Variants in ZNF395 observed in about 807,000 individuals in gnomAD.
The protein encoded by ZNF395 is zinc finger protein 395, also known as HD gene regulatory region-binding protein 2.
In ZNF395, 20 loss-of-function variants were observed where a neutral mutation model predicts 57.7. That is an observed-to-expected ratio of 0.35 (90% confidence interval 0.24 to 0.50). ZNF395 has a LOEUF of 0.50. Among genes scored for constraint, ZNF395 ranks in the 20% least tolerant of loss-of-function variants. The probability of loss-of-function intolerance (pLI) is 0.97; values close to 1 mark genes in which losing one functional copy is unlikely to be tolerated. For synonymous variants in ZNF395, 295 were observed against 275.9 expected (o/e 1.07, Z -0.69); for missense variants, 606 against 671.2 (o/e 0.90, Z 1.07).
intron 1 of ZNF395, among the ~76,000 whole-genome samples, chr8:28,373,106 C>T (rs1801996719): frequency 6.6e-6 from 1 of 152,134 alleles, no homozygotes; most frequent in South Asian, 2.1e-4. Flanking sequence ...TGGGGTTGCC[C>T]TAGGCTCCAA....
chr8:28,356,664 G>C lies in ZNF395; in HGVS notation c.583+6C>G, dbSNP rs1287144870. 5 of 1,612,536 alleles carry C rather than the reference G, an allele frequency of 3.1e-6. No individual in the cohort carries two copies. Among genetic ancestry groups the C allele is most frequent in the Non-Finnish European group, 4.2e-6 (5 of 1,178,878 alleles). ...CCCAGAACCCAGCTGGGCCCCGCTT[G>C]CTCACCAGAGAAGTTGGCCTCGGTC... is the stretch of plus-strand genomic sequence containing the variant. On this transcript the variant is annotated splice_donor_region_variant and intron_variant, in intron 4 of 9. Coordinates refer to ENST00000344423, the MANE Select transcript of ZNF395 (RefSeq NM_018660.3). The surrounding 1 kb of genome is among the most constrained non-coding windows in gnomAD (Gnocchi z 4.0).
At chr8:28,377,656 A>G (rs977917930) in intron 1 of ZNF395, among the ~76,000 whole-genome samples, 5 of 151,136 alleles carry the variant, frequency 3.3e-5, no homozygotes, top group Non-Finnish European at 7.4e-5. Flanking sequence ...GTCACTCCAC[A>G]TTCTCCACGG....
Position 28,356,898 on chromosome 8 carries a change from T to C in ZNF395, c.474-119A>G. On this transcript the variant is annotated intron_variant, in intron 3 of 9. Transcript: ENST00000344423. This position sits in a 1 kb window ranked among gnomAD's most constrained non-coding sequence, Gnocchi z 4.0. ...ACAATCATCTTACACTTCTGGACTGTCCCCTCCAAGTGCCCCCAACTCCAA... is the reference window on the plus strand; with the variant it reads ...ACAATCATCTTACACTTCTGGACTGCCCCCTCCAAGTGCCCCCAACTCCAA... The C allele has an allele frequency of 1.3e-6, 1 of 766,712 alleles. No individual in the cohort carries two copies. The highest frequency in any genetic ancestry group is 2.7e-5 in the East Asian group (1 of 36,622). 47.5% of individuals were successfully genotyped at this position (766,712 alleles called of 1,614,324 possible). A position where few individuals can be genotyped will look rare whatever the true frequency, so the allele number is the denominator to read the frequency against.
rs780656102 is a variant in ZNF395, at chr8:28,353,398, C to T, written c.594G>A (p.Ala198=). The part of the protein sequence containing the change: ...GTEANFSASR[A]ACDPWKESGD... Reference sequence around the variant, plus strand: ...CACTCTCCTTCCATGGGTCGCAGGCCGCACGGGAAGCTGGCCAGATGAAGA... The same window carrying T: ...CACTCTCCTTCCATGGGTCGCAGGCTGCACGGGAAGCTGGCCAGATGAAGA... Residue 198 remains alanine (A), a synonymous_variant, in exon 5 of 10, where the codon GCG becomes GCA. Coordinates refer to ENST00000344423, the MANE Select transcript of ZNF395 (RefSeq NM_018660.3). The T allele has an allele frequency of 1.4e-5, 21 of 1,536,550 alleles. No homozygotes were observed. The highest frequency in any genetic ancestry group is 2.3e-5 in the East Asian group (1 of 43,786).
intron 3 of ZNF395, among the ~76,000 whole-genome samples, chr8:28,357,733 T>C (rs954355976): frequency 1.3e-5 from 2 of 152,244 alleles, no homozygotes; most frequent in Admixed American, 6.5e-5. Context: ...TGCATTCCAC[T>C]GAATACACTA....
chr8:28,358,411 G>GT (rs1287620759), intron 3 of ZNF395, among the ~76,000 whole-genome samples: 22 of 151,740 alleles, frequency 1.4e-4, no homozygotes, highest in Admixed American at 1.4e-3. Flanking sequence ...CACTCAGCCT[G>GT]TTTGTTTGTT....
At chr8:28,358,058 A>T (rs890150632) in intron 3 of ZNF395, among the ~76,000 whole-genome samples, 1 of 152,034 alleles carries the variant, frequency 6.6e-6, no homozygotes, top group African/African-American at 2.4e-5. Flanking sequence ...TGTGGACCCA[A>T]TGTAGCCTGC....
chr8:28,353,816 A>AGCCT (rs1801748679), intron 4 of ZNF395, among the ~76,000 whole-genome samples: 2 of 152,154 alleles, frequency 1.3e-5, no homozygotes, highest in African/African-American at 4.8e-5. Context: ...GGAAGGGCAA[A>AGCCT]GCCTCTGCAG....
chr8:28,360,838 C>A (rs768831470), intron 2 of ZNF395, 47 bp downstream of exon 2: 1 of 1,601,226 alleles, frequency 6.2e-7, no homozygotes, highest in Non-Finnish European at 8.5e-7. Flanking sequence ...GCCCCCTACC[C>A]CAAGACTGGC....
intron 8 of ZNF395, among the ~76,000 whole-genome samples, 186 bp downstream of exon 8, chr8:28,349,878 C>T (rs1301950326): frequency 6.6e-6 from 1 of 152,232 alleles, no homozygotes; most frequent in African/African-American, 2.4e-5. Flanking sequence ...GGGGCTATGG[C>T]CAGATGGGGA....
At position 28,359,455 on chromosome 8, in the gene ZNF395, T is replaced by C; in HGVS notation, c.473+137A>G. Reference sequence around the variant, plus strand: ...GTTTTCTTAAAAGATTCCCCTTTTCTGTGTCCCATTTGTCCCAATATCTTG... The same window carrying C: ...GTTTTCTTAAAAGATTCCCCTTTTCCGTGTCCCATTTGTCCCAATATCTTG... On this transcript the variant is annotated intron_variant, in intron 3 of 9. Coordinates refer to ENST00000344423, the MANE Select transcript of ZNF395 (RefSeq NM_018660.3). The surrounding 1 kb of genome is among the most constrained non-coding windows in gnomAD (Gnocchi z 4.7). The C allele has an allele frequency of 8.1e-7, 1 of 1,241,470 alleles. No individual in the cohort carries two copies. Among genetic ancestry groups the C allele is most frequent in the Non-Finnish European group, 1.1e-6 (1 of 914,792 alleles). 76.9% of individuals were successfully genotyped at this position (1,241,470 alleles called of 1,614,324 possible). A position where few individuals can be genotyped will look rare whatever the true frequency, so the allele number is the denominator to read the frequency against.
chr8:28,373,777 G>A (rs141928671), intron 1 of ZNF395, among the ~76,000 whole-genome samples: 3 of 152,100 alleles, frequency 2.0e-5, no homozygotes, highest in Admixed American at 1.3e-4. Context: ...TGGTATGTGC[G>A]ACCTGTGAGG....
chr8:28,351,619 G>C lies in ZNF395; in HGVS notation c.1109C>G (p.Pro370Arg). ...TGLPLSALPP[P>R]LHKAQSSGPE... ...GCCGGAGGACTGGGCTTTGTGCAGA[G>C]GTGGTGGAAGAGCAGACAGAGGCAG... The change falls in exon 7 of 10, where the codon CCT becomes CGT. Residue 370 changes from proline (P) to arginine (R), a missense_variant. Pro to Arg is a moderately radical substitution (Grantham distance 103). Transcript: ENST00000344423. The C allele has an allele frequency of 3.7e-6, 6 of 1,613,696 alleles. No individual in the cohort carries two copies. Among genetic ancestry groups the C allele is most frequent in the Non-Finnish European group, 4.2e-6 (5 of 1,180,018 alleles).
chr8:28,383,014 A>C (rs1164931960), intron 1 of ZNF395, among the ~76,000 whole-genome samples: 1 of 152,240 alleles, frequency 6.6e-6, no homozygotes, highest in African/African-American at 2.4e-5. Flanking sequence ...TGTAAGTCAC[A>C]GTCAAAACAG....
At chr8:28,369,096 A>G (rs561153477) in intron 1 of ZNF395, among the ~76,000 whole-genome samples, 37 of 151,664 alleles carry the variant, frequency 2.4e-4, no homozygotes, top group Admixed American at 4.6e-4. Context: ...TCGGCCTCCC[A>G]AAGTGCTGGG....
intron 4 of ZNF395, among the ~76,000 whole-genome samples, chr8:28,354,028 A>G (rs1463219975): frequency 6.6e-6 from 1 of 152,252 alleles, no homozygotes; most frequent in Non-Finnish European, 1.5e-5. Context: ...GAGGGTGCAC[A>G]ACATTTCCCA....
rs1157646689 is a variant in ZNF395 at position 28,360,789 on chromosome 8, G to C, written c.240+96C>G. On this transcript the variant is annotated intron_variant, in intron 2 of 9. Coordinates refer to ENST00000344423, the MANE Select transcript of ZNF395 (RefSeq NM_018660.3). ...AGGGCAAAGGTCTGCACTCAAAACG[G>C]TGCCCAGAGAGTTTCCGGCCTGTCA... 2.6e-6 allele frequency: 4 copies of C among 1,522,850 alleles called. No homozygotes were observed. In the Admixed American group the frequency reaches 6.0e-5, roughly 23 times the overall value. The allele number at this position is 1,522,850 out of a possible 1,614,324, so 94.3% of individuals were successfully genotyped here.
chr8:28,373,702 G>A (rs1406715192), intron 1 of ZNF395, among the ~76,000 whole-genome samples: 1 of 152,138 alleles, frequency 6.6e-6, no homozygotes, highest in Non-Finnish European at 1.5e-5. Context: ...GCGGGAACCA[G>A]GTAGAATTAA....
Position 28,356,553 on chromosome 8 carries a change from T to C in ZNF395, c.583+117A>G. ...GCCGGTCAGAGGTGCCAGTGGGAGG[T>C]GTCCCTGGACATTCTATTGCCAGGC... On this transcript the variant is annotated intron_variant, in intron 4 of 9. Transcript: ENST00000344423. This position sits in a 1 kb window ranked among gnomAD's most constrained non-coding sequence, Gnocchi z 4.0. 1 of 667,928 alleles carries C rather than the reference T, an allele frequency of 1.5e-6. No individual in the cohort carries two copies. Among genetic ancestry groups the C allele is most frequent in the Non-Finnish European group, 2.6e-6 (1 of 391,828 alleles). 41.4% of individuals were successfully genotyped at this position (667,928 alleles called of 1,614,324 possible).
Sources: allele counts gnomAD v4.1 joint callset (sites outside exome capture counted in the v4.1 genomes callset), GRCh38; gene constraint gnomAD v4.1.1; non-coding constraint Gnocchi (gnomAD v3.1); transcripts MANE v1.5; gene names NCBI Gene and HGNC (gene_info 2026-07-23, HGNC 2026-07-21).